CPZ: variants seen among roughly 807,000 people sequenced by gnomAD.
CPZ encodes the protein VEZT/CPZ fusion.
Under a neutral mutation model 61.8 loss-of-function variants are expected in CPZ, and 103 were observed. That is an observed-to-expected ratio of 1.67 (90% confidence interval 1.42 to 1.96). The LOEUF is 1.96. CPZ is among the 30% of genes most tolerant of loss of function. CPZ has a pLI of 0.00. For synonymous variants in CPZ, 551 were observed against 373.7 expected (o/e 1.47, Z -5.47); for missense variants, 1,461 against 914.9 (o/e 1.60, Z -7.70).
At chr4:8,606,320 C>A in intron 5 of CPZ, 135 bp downstream of exon 5, 1 of 863,798 alleles carries the variant, frequency 1.2e-6, no homozygotes, top group Non-Finnish European at 1.7e-6. Context: ...GGTGTCGATA[C>A]TGGCAAACCC....
intron 1 of CPZ, among the ~76,000 whole-genome samples, chr4:8,596,165 C>T (rs1473166978): frequency 6.6e-6 from 1 of 152,194 alleles, no homozygotes; most frequent in Non-Finnish European, 1.5e-5. Context: ...GATTCTCCCA[C>T]CTCAGCCTCC....
At chr4:8,619,198 C>A in intron 10 of CPZ, 64 bp from the exon 11 acceptor site, 1 of 1,404,598 alleles carries the variant, frequency 7.1e-7, no homozygotes, top group Non-Finnish European at 9.7e-7. Flanking sequence ...ATATCCATCA[C>A]CCATCACCCC....
intron 7 of CPZ, chr4:8,611,190 G>A (rs1037771769): frequency 4.4e-6 from 2 of 455,534 alleles, no homozygotes; most frequent in Non-Finnish European, 8.8e-6. Context: ...GCACAGACCT[G>A]TCCTGCTTGG....
intron 9 of CPZ, among the ~76,000 whole-genome samples, chr4:8,616,728 C>T (rs528141047): frequency 2.0e-5 from 3 of 152,194 alleles, no homozygotes; most frequent in Admixed American, 2.0e-4. Context: ...CTCGAGCTGT[C>T]CAGTTTCTCT....
intron 8 of CPZ, among the ~76,000 whole-genome samples, chr4:8,612,626 G>A (rs1715812908): frequency 6.6e-6 from 1 of 152,214 alleles, no homozygotes; most frequent in Non-Finnish European, 1.5e-5. Context: ...TTTCTCTGGA[G>A]CCCGACTTGA....
Position 8,618,530 on chromosome 4 carries a change from T to G in CPZ, c.1603+2T>G. ...GCATTCGCCACGACATCACCACAGG[T>G]GAGCACGTCCCTGGCTGTCCCCTGG... On this transcript the variant is annotated splice_donor_variant, in intron 10 of 10. Transcript: ENST00000360986. LOFTEE classifies it high-confidence loss of function. 1.2e-6 allele frequency: 2 copies of G among 1,613,154 alleles called. No individual in the cohort carries two copies. The highest frequency in any genetic ancestry group is 1.1e-5 in the South Asian group (1 of 91,060).
intron 9 of CPZ, among the ~76,000 whole-genome samples, chr4:8,615,248 G>A (rs757976023): frequency 3.9e-5 from 6 of 151,994 alleles, no homozygotes; most frequent in Admixed American, 1.3e-4. Flanking sequence ...TGACCCCCTC[G>A]CTGCCCCAGA....
rs761156679 is a variant in CPZ at position 8,606,072 on chromosome 4, C to T, written c.793C>T (p.Leu265=). The T allele has an allele frequency of 8.7e-6, 14 of 1,614,108 alleles. No individual in the cohort carries two copies. The highest frequency in any genetic ancestry group is 1.7e-5 in the Admixed American group (1 of 60,006). Residue 265 remains leucine, a synonymous_variant, in exon 5 of 11, where the codon CTG becomes TTG. Coordinates refer to ENST00000360986, the MANE Select transcript of CPZ (RefSeq NM_001014447.3). ...GATGCTCATCTACCTAGCCCAGTAC[C>T]TGTGCTCTGAGTACCTGCTTGGTAA... The part of the protein sequence containing the change: ...REMLIYLAQY[L]CSEYLLGNPR...
At chr4:8,619,171 C>T (rs1423413496) in intron 10 of CPZ, 91 bp from the exon 11 acceptor site, 5 of 1,174,976 alleles carry the variant, frequency 4.3e-6, no homozygotes, top group South Asian at 1.6e-5. Flanking sequence ...GCCTCCCATG[C>T]TAACCTCTCC....
chr4:8,593,003 G>C, intron 1 of CPZ, 82 bp downstream of exon 1: 2 of 1,155,070 alleles, frequency 1.7e-6, no homozygotes, highest in East Asian at 2.8e-5. Flanking sequence ...CCAGGGGCCC[G>C]GGAGCTTTCT....
chr4:8,605,922 G>T (rs111373464), intron 4 of CPZ, 67 bp from the exon 5 acceptor site: 1 of 1,503,318 alleles, frequency 6.7e-7, no homozygotes, highest in Non-Finnish European at 9.1e-7. Flanking sequence ...GCTGAGTGGG[G>T]GGGCCTCATG....
At chr4:8,608,324 TG>T (rs1715228920) in intron 7 of CPZ, among the ~76,000 whole-genome samples, 1 of 151,920 alleles carries the variant, frequency 6.6e-6, no homozygotes, top group South Asian at 2.1e-4. Flanking sequence ...CACTTTCCCT[TG>T]GTGTTTGGGG....
intron 7 of CPZ, among the ~76,000 whole-genome samples, chr4:8,609,217 C>CACTCACTCCCTCACTG (rs1553877680): frequency 7.2e-6 from 1 of 138,162 alleles, no homozygotes; most frequent in Non-Finnish European, 1.6e-5. Context: ...CTTACTCATT[C>CACTCACTCCCTCACTG]ACTTACTCAC....
At chr4:8,613,654 C>T (rs1399032444) in intron 8 of CPZ, among the ~76,000 whole-genome samples, 1 of 152,186 alleles carries the variant, frequency 6.6e-6, no homozygotes, top group Non-Finnish European at 1.5e-5. Context: ...CTAGGCCTGC[C>T]TTGGAGATGG....
At chr4:8,608,126 G>GCCCCAGC (rs1026499319) in intron 7 of CPZ, among the ~76,000 whole-genome samples, 320 of 125,692 alleles carry the variant, frequency 2.5e-3, no homozygotes, top group Middle Eastern at 4.6e-3. Context: ...TCTGAGGTGG[G>GCCCCAGC]CCCCAGCCTC....
chr4:8,612,465 T>C (rs1715793728), intron 8 of CPZ, among the ~76,000 whole-genome samples: 1 of 152,142 alleles, frequency 6.6e-6, no homozygotes, highest in Admixed American at 6.5e-5. Context: ...GAAGTGGAGT[T>C]GCCAGATGAA....
Position 8,606,114 on chromosome 4 carries a change from C to G in CPZ, c.835C>G (p.Leu279Val), listed in dbSNP as rs1714973572. 5 of 1,614,088 alleles carry G rather than the reference C, an allele frequency of 3.1e-6. No individual in the cohort carries two copies. The highest frequency in any genetic ancestry group is 4.2e-6 in the Non-Finnish European group (5 of 1,180,040). ...YLLGNPRIQR[L>V]LNTTRIHLLP... is the part of the protein sequence containing the mutation. ...GCTTGGTAACCCCCGCATCCAGCGC[C>G]TGCTCAACACCACCCGCATCCACCT... Residue 279 changes from leucine (L) to valine (V), a missense_variant, in exon 5 of 11, where the codon CTG becomes GTG. By Grantham distance (32) the Leu-to-Val change is conservative (BLOSUM62 1). Coordinates refer to ENST00000360986, the MANE Select transcript of CPZ (RefSeq NM_001014447.3).
intron 7 of CPZ, among the ~76,000 whole-genome samples, chr4:8,609,280 C>T (rs1715428604): frequency 1.6e-5 from 2 of 125,040 alleles, no homozygotes; most frequent in African/African-American, 6.9e-5. Flanking sequence ...CATTCACACA[C>T]TAATTTTCTC....
At chr4:8,609,722 GGGGATGTTCACC>G (rs1715491065) in intron 7 of CPZ, among the ~76,000 whole-genome samples, 1 of 152,240 alleles carries the variant, frequency 6.6e-6, no homozygotes, top group Admixed American at 6.5e-5. Context: ...CGTCCCCAGG[GGGGATGTTCACC>G]CCAGTGAGTC....
Sources: gnomAD v4.1 joint callset for allele counts (sites outside exome capture counted in the v4.1 genomes callset) on GRCh38, gnomAD v4.1.1 for gene constraint, MANE v1.5 for transcripts, NCBI Gene and HGNC (gene_info 2026-07-23, HGNC 2026-07-21) for gene names.